Variants in LGR4 observed in about 807,000 individuals in gnomAD.
LGR4 encodes leucine rich repeat containing G protein-coupled receptor 4, also known as leucine-rich repeat-containing G protein-coupled receptor 4.
Under a neutral mutation model 84.8 loss-of-function variants are expected in LGR4, and 44 were observed. The observed-to-expected ratio is 0.52, with a 90% CI of 0.41 to 0.67. LGR4 has a LOEUF of 0.67. Among genes scored for constraint, LGR4 ranks in the 30% least tolerant of loss-of-function variants. The pLI is 0.00. For missense variants in LGR4, 1,032 were observed against 1,131.4 expected (o/e 0.91, Z 1.26); for synonymous variants, 429 against 434.3 (o/e 0.99, Z 0.15).
At chr11:27,378,345 T>G (rs1256165771) in intron 11 of LGR4, among the ~76,000 whole-genome samples, 1 of 152,154 alleles carries the variant, frequency 6.6e-6, no homozygotes, top group African/African-American at 2.4e-5. Flanking sequence ...AATAAAGAGT[T>G]AGGCTCTGCT....
chr11:27,472,228 C>T lies in LGR4; in HGVS notation c.75G>A (p.Ala25=), dbSNP rs1380826157. The T allele has an allele frequency of 5.2e-6, 7 of 1,344,706 alleles. No individual in the cohort carries two copies. The highest frequency in any genetic ancestry group is 3.6e-5 in the South Asian group (2 of 55,906). The allele number at this position is 1,344,706 out of a possible 1,614,324, so 83.3% of individuals were successfully genotyped here. A position where few individuals can be genotyped will look rare whatever the true frequency, so the allele number is the denominator to read the frequency against. Residue 25 remains alanine (A), a synonymous_variant, in exon 1 of 18, where the codon GCG becomes GCA. Transcript: ENST00000379214. ...TGCAGGGCGCCGCGCAGAGAGGCGG[C>T]GCCGCGCCGCTGGGCCCGGCCGAGC... is the stretch of plus-strand genomic sequence containing the variant. ...LLGSAGPSGA[A]PPLCAAPCSC...
At position 27,369,088 on chromosome 11, in the gene LGR4, C is replaced by T; in HGVS notation, c.1635G>A (p.Val545=). 1 of 1,612,758 alleles carries T rather than the reference C, an allele frequency of 6.2e-7. No individual in the cohort carries two copies. The highest frequency in any genetic ancestry group is 8.5e-7 in the Non-Finnish European group (1 of 1,179,682). ...ATAATGCAACCAAGAAAATGAACCA[C>T]ACAGTAAGACGAATCATCCAGCTTC... ...LLGSWMIRLT[V]WFIFLVALFF... Residue 545 remains valine (V), a synonymous_variant, in exon 18 of 18, where the codon GTG becomes GTA. Transcript: ENST00000379214.
At chr11:27,435,234 G>A (rs938542546) in intron 1 of LGR4, among the ~76,000 whole-genome samples, 1 of 151,896 alleles carries the variant, frequency 6.6e-6, no homozygotes, top group African/African-American at 2.4e-5. Context: ...TTGGGAGGCT[G>A]AGGAAGGAGA....
chr11:27,431,472 T>A (rs888141452), intron 1 of LGR4, among the ~76,000 whole-genome samples: 1 of 152,154 alleles, frequency 6.6e-6, no homozygotes, highest in Admixed American at 6.5e-5. Context: ...ACACCTAACA[T>A]ACTATAAACA....
At chr11:27,429,482 C>CA (rs200459847) in intron 1 of LGR4, among the ~76,000 whole-genome samples, 4,994 of 114,340 alleles carry the variant, frequency 0.044, 275 homozygotes, top group African/African-American at 0.14. Flanking sequence ...GATTCCATCT[C>CA]AAAAAAAAAA....
At chr11:27,433,580 C>G (rs1000594755) in intron 1 of LGR4, among the ~76,000 whole-genome samples, 1 of 152,176 alleles carries the variant, frequency 6.6e-6, no homozygotes, top group Middle Eastern at 3.4e-3. Flanking sequence ...AGAGTGTGCT[C>G]TAAACTATCC....
chr11:27,424,347 C>T (rs1863980666), intron 1 of LGR4, among the ~76,000 whole-genome samples: 1 of 152,124 alleles, frequency 6.6e-6, no homozygotes, highest in Non-Finnish European at 1.5e-5. Flanking sequence ...TGAGACAAGC[C>T]TCAGCAACAT....
chr11:27,383,015 C>T (rs1333458539), intron 6 of LGR4, among the ~76,000 whole-genome samples: 1 of 150,630 alleles, frequency 6.6e-6, no homozygotes, highest in Non-Finnish European at 1.5e-5. Context: ...GACTCTGTCT[C>T]AAAAAAAATA....
At chr11:27,375,470 T>A (rs1862959648) in intron 13 of LGR4, among the ~76,000 whole-genome samples, 1 of 152,180 alleles carries the variant, frequency 6.6e-6, no homozygotes, top group Non-Finnish European at 1.5e-5. Flanking sequence ...ATACAAATGA[T>A]TTTTTAAGTA....
intron 2 of LGR4, among the ~76,000 whole-genome samples, chr11:27,403,850 A>T (rs1863550828): frequency 1.3e-5 from 2 of 152,310 alleles, no homozygotes; most frequent in East Asian, 1.9e-4. Flanking sequence ...TGATTTTTTT[A>T]AAAAGCTGAA....
intron 1 of LGR4, among the ~76,000 whole-genome samples, chr11:27,441,236 A>G (rs1206150569): frequency 6.6e-6 from 1 of 151,818 alleles, no homozygotes; most frequent in Non-Finnish European, 1.5e-5. Context: ...AATGATGTGA[A>G]CAAGATCACA....
chr11:27,405,547 C>T (rs1245156311), intron 2 of LGR4, among the ~76,000 whole-genome samples: 1 of 152,192 alleles, frequency 6.6e-6, no homozygotes, highest in Non-Finnish European at 1.5e-5. Context: ...GATGCCTCCA[C>T]CCATATCCCA....
intron 1 of LGR4, among the ~76,000 whole-genome samples, chr11:27,466,883 A>G (rs1223293891): frequency 6.6e-6 from 1 of 152,058 alleles, no homozygotes; most frequent in Non-Finnish European, 1.5e-5. Flanking sequence ...TCTGGGGTTC[A>G]AGAGATTCTC....
chr11:27,398,705 A>C (rs1463135154), intron 2 of LGR4, among the ~76,000 whole-genome samples: 1 of 152,180 alleles, frequency 6.6e-6, no homozygotes, highest in Non-Finnish European at 1.5e-5. Flanking sequence ...TGAAGACTAG[A>C]TAATAAAGCC....
intron 1 of LGR4, among the ~76,000 whole-genome samples, chr11:27,463,481 G>A (rs1446084902): frequency 6.6e-6 from 1 of 152,082 alleles, no homozygotes. Flanking sequence ...CCCATAATGT[G>A]TAATATTTAA....
chr11:27,368,771 AT>A lies in LGR4; in HGVS notation c.1951del (p.Met651Ter). ...GAGATGATTGCTCTTCCCATTTTTC[AT>A]TATATCTTTTGCAGATAAGCTTCTT... ...VERSLSAKDIMKNGKSNHLKQ... is the reference protein window; with the variant it reads ...VERSLSAKDIXKNGKSNHLKQ... On this transcript the variant is annotated frameshift_variant, in exon 18 of 18. Transcript: ENST00000379214. LOFTEE classifies it low-confidence loss of function (END_TRUNC). The A allele has an allele frequency of 6.2e-7, 1 of 1,613,888 alleles. No homozygotes were observed. The highest frequency in any genetic ancestry group is 1.1e-5 in the South Asian group (1 of 91,014).
intron 11 of LGR4, among the ~76,000 whole-genome samples, chr11:27,377,590 G>T (rs1300104033): frequency 6.6e-6 from 1 of 151,676 alleles, no homozygotes; most frequent in Admixed American, 6.6e-5. Flanking sequence ...TTTTAAATTT[G>T]TATTTATACG....
At chr11:27,462,149 T>C (rs1464124640) in intron 1 of LGR4, among the ~76,000 whole-genome samples, 1 of 152,156 alleles carries the variant, frequency 6.6e-6, no homozygotes, top group African/African-American at 2.4e-5. Flanking sequence ...TTAGGACTTT[T>C]AATGAAAGTC....
intron 10 of LGR4, chr11:27,379,129 CTTGT>C (rs1863042275): frequency 4.7e-6 from 1 of 210,892 alleles, no homozygotes; most frequent in African/African-American, 2.3e-5. Context: ...GCCCCCAAAT[CTTGT>C]TTCTGTCTTT....
Sources: gnomAD v4.1 joint callset for allele counts (sites outside exome capture counted in the v4.1 genomes callset) on GRCh38, gnomAD v4.1.1 for gene constraint, MANE v1.5 for transcripts, NCBI Gene and HGNC (gene_info 2026-07-23, HGNC 2026-07-21) for gene names.